TPM1: variants seen among roughly 807,000 people sequenced by gnomAD.
TPM1 encodes the protein tropomyosin alpha-1 chain.
In TPM1, 24 loss-of-function variants were observed where a neutral mutation model predicts 42.9. The ratio of observed to expected loss-of-function variants is 0.56; its 90% CI spans 0.41 to 0.79. The LOEUF (loss-of-function observed/expected upper bound fraction) is 0.79, where lower values mean the gene tolerates loss of function less well. TPM1 is among the 30% of genes least tolerant of loss of function. TPM1 has a pLI of 0.00. For synonymous variants in TPM1, 136 were observed against 130.1 expected, an observed-to-expected ratio of 1.05 and a Z score of -0.31; for missense variants, 158 against 351.8, an observed-to-expected ratio of 0.45 and a Z score of 4.41.
downstream of TPM1, chr15:63,069,827 C>CT (rs1347172661): frequency 1.9e-6 from 3 of 1,613,494 alleles, no homozygotes; most frequent in Non-Finnish European, 2.5e-6. Context: ...AACCTGTCTT[C>CT]CTTCTGCCTC....
chr15:63,065,975 A>C lies in TPM1; in HGVS notation c.*76A>C, dbSNP rs140658011. The C allele has an allele frequency of 6.3e-7, 1 of 1,585,438 alleles. No homozygotes were observed. Among genetic ancestry groups the C allele is most frequent in the Non-Finnish European group, 8.6e-7 (1 of 1,165,584 alleles). On this transcript the variant is annotated 3_prime_UTR_variant, in exon 10 of 10. Transcript: ENST00000403994. ...ACCTCTCTGAGCTCTGCATTTGTCT[A>C]TTCTCCAGCTGACCCTGGTTCTCTC... is the stretch of plus-strand genomic sequence containing the variant.
rs894864697 is a variant in TPM1 at position 63,062,210 on chromosome 15, T to C, written c.640-5T>C. The C allele has an allele frequency of 1.2e-6, 2 of 1,613,752 alleles. No homozygotes were observed. Among genetic ancestry groups the C allele is most frequent in the African/African-American group, 2.7e-5 (2 of 74,896 alleles). ...TGACATCTGGAATGCTCTTTCTAAT[T>C]ACAGTACTCGCAGAAGGAAGACAGA... is the stretch of plus-strand genomic sequence containing the variant. On this transcript the variant is annotated splice_region_variant and splice_polypyrimidine_tract_variant and intron_variant, in intron 6 of 9. Transcript: ENST00000403994.
intron 2 of TPM1, among the ~76,000 whole-genome samples, chr15:63,054,756 A>G (rs911806124): frequency 1.3e-5 from 2 of 152,214 alleles, no homozygotes; most frequent in African/African-American, 2.4e-5. Context: ...GAAAGAAAAG[A>G]AAGTGTACAG....
At chr15:63,070,554 A>G, downstream of TPM1, 1 of 995,952 alleles carries the variant, frequency 1.0e-6, no homozygotes, top group Non-Finnish European at 1.2e-6. Context: ...ATATTAAGAG[A>G]ATGTCCTAAT....
At chr15:63,069,726 G>A (rs899156179), downstream of TPM1, 2 of 1,008,298 alleles carry the variant, frequency 2.0e-6, no homozygotes, top group South Asian at 1.3e-5. Flanking sequence ...GTGACTATGG[G>A]GTAAGAGTAA....
chr15:63,054,021 A>C (rs1031791357), intron 2 of TPM1, among the ~76,000 whole-genome samples: 4 of 151,586 alleles, frequency 2.6e-5, no homozygotes, highest in Non-Finnish European at 5.9e-5. Context: ...TGATTCTGAC[A>C]CTCAGCCACT....
chr15:63,070,362 C>A, downstream of TPM1: 2 of 997,464 alleles, frequency 2.0e-6, no homozygotes, highest in Non-Finnish European at 2.4e-6. Context: ...TTCCTAACTT[C>A]TAAATATCTG....
At chr15:63,071,303 CAG>C in exon 9 of TPM1, 1 of 1,075,380 alleles carries the variant, frequency 9.3e-7, no homozygotes, top group Non-Finnish European at 1.4e-6. Flanking sequence ...CCAGCTAGGT[CAG>C]GGGGTGGGGA....
intron 5 of TPM1, chr15:63,061,354 T>C: frequency 7.6e-7 from 1 of 1,312,336 alleles, no homozygotes; most frequent in Non-Finnish European, 1.1e-6. Context: ...GTTCGTTTGG[T>C]ATAACGACTG....
chr15:63,064,457 A>C, intron 9 of TPM1: 1 of 1,172,678 alleles, frequency 8.5e-7, no homozygotes, highest in Non-Finnish European at 1.1e-6. Flanking sequence ...GTAAAACTAG[A>C]AGGCCATGCC....
intron 3 of TPM1, among the ~76,000 whole-genome samples, chr15:63,058,505 G>A (rs996816770): frequency 2.0e-5 from 3 of 152,228 alleles, no homozygotes; most frequent in South Asian, 2.1e-4. Flanking sequence ...CCAGGGATTC[G>A]AGACCAGCCT....
intron 3 of TPM1, among the ~76,000 whole-genome samples, chr15:63,058,419 A>T (rs964454121): frequency 6.6e-6 from 1 of 152,214 alleles, no homozygotes; most frequent in African/African-American, 2.4e-5. Context: ...TCATCAAAAG[A>T]TAGTGGGCCA....
chr15:63,070,068 A>G (rs557865070), downstream of TPM1: 483 of 1,551,122 alleles, frequency 3.1e-4, 2 homozygotes, highest in African/African-American at 6.0e-3. Flanking sequence ...TGCAAATGCA[A>G]GGAATTGGCT....
Position 63,056,999 on chromosome 15 carries a change from A to G in TPM1, c.255A>G (p.Val85=), listed in dbSNP as rs2034911440. ...TCTCTACCTAGGCTGAAGCCGACGT[A>G]GCTTCTCTGAACAGACGCATCCAGC... ...EKKATDAEAD[V]ASLNRRIQLV... is the part of the protein sequence containing the mutation. The change falls in exon 3 of 10, where the codon GTA becomes GTG. Residue 85 remains valine, a synonymous_variant. Coordinates refer to ENST00000403994, the MANE Select transcript of TPM1 (RefSeq NM_001018005.2). 6.2e-7 allele frequency: 1 copy of G among 1,614,066 alleles called. No homozygotes were observed. Among genetic ancestry groups the G allele is most frequent in the African/African-American group, 1.3e-5 (1 of 74,928 alleles).
At chr15:63,043,559 A>C in intron 1 of TPM1, 1 of 1,284,368 alleles carries the variant, frequency 7.8e-7, no homozygotes, top group Non-Finnish European at 1.1e-6. Flanking sequence ...CAGCTCGGGT[A>C]AAGAGGAAGT....
In TPM1 at chr15:63,042,814, C is replaced by T. The variant is rs1203772901; in HGVS notation, c.-16C>T. On this transcript the variant is annotated 5_prime_UTR_variant, in exon 1 of 10. Coordinates refer to ENST00000403994, the MANE Select transcript of TPM1 (RefSeq NM_001018005.2). ...CCGCTCCTGCTGCAGCCCCAGGGCC[C>T]CTCGCCGCCGCCACCATGGACGCCA... The T allele has an allele frequency of 1.2e-6, 2 of 1,609,672 alleles. No individual in the cohort carries two copies. Among genetic ancestry groups the T allele is most frequent in the East Asian group, 2.2e-5 (1 of 44,786 alleles).
At chr15:63,066,332 G>A (rs2036271124), downstream of TPM1, among the ~76,000 whole-genome samples, 1 of 152,082 alleles carries the variant, frequency 6.6e-6, no homozygotes, top group African/African-American at 2.4e-5. Context: ...TCAAAGGTTA[G>A]AATGAGGTCT....
In TPM1 at chr15:63,052,769, T is replaced by TA. The variant is rs201619461; in HGVS notation, c.241-4205dup. Among the ~76,000 whole-genome samples, 179 of 146,220 alleles carry TA rather than the reference T, an allele frequency of 1.2e-3. 2 individuals carry two copies. In the East Asian group the frequency reaches 0.019, roughly 15 times the overall value. On this transcript the variant is annotated intron_variant, in intron 2 of 9. Transcript: ENST00000403994. ...AAAATATTGAAATAAGCTCAAAACTTAAAAAAAAAAATACCAGAAATAAAA... is the reference window on the plus strand; with the variant it reads ...AAAATATTGAAATAAGCTCAAAACTTAAAAAAAAAAAATACCAGAAATAAAA...
chr15:63,060,978 C>G, intron 5 of TPM1, 39 bp downstream of exon 5: 2 of 1,610,844 alleles, frequency 1.2e-6, no homozygotes, highest in Non-Finnish European at 1.7e-6. Context: ...GAATGGGGTG[C>G]TGCAGAGCAG....
Sources: allele counts gnomAD v4.1 joint callset (sites outside exome capture counted in the v4.1 genomes callset), GRCh38; gene constraint gnomAD v4.1.1; transcripts MANE v1.5; gene names NCBI Gene and HGNC (gene_info 2026-07-23, HGNC 2026-07-21).